CCDC3: variants seen among roughly 807,000 people sequenced by gnomAD.
CCDC3 encodes the protein coiled-coil domain containing 3.
Under a neutral mutation model 21.4 loss-of-function variants are expected in CCDC3, and 24 were observed. The observed-to-expected ratio is 1.12, with a 90% CI of 0.81 to 1.58. CCDC3 has a LOEUF of 1.58. Ranked by LOEUF, CCDC3 falls within the 40% of genes most tolerant of loss-of-function variation. The pLI, the probability that CCDC3 is intolerant of heterozygous loss-of-function variation, is 0.00. For synonymous variants in CCDC3, 186 were observed against 166.0 expected (o/e 1.12, Z -0.93); for missense variants, 425 against 360.9 (o/e 1.18, Z -1.44).
intron 2 of CCDC3, among the ~76,000 whole-genome samples, chr10:12,979,371 A>G (rs1276951755): frequency 6.6e-6 from 1 of 150,892 alleles, no homozygotes; most frequent in East Asian, 2.0e-4. Flanking sequence ...CCTTTCAAAT[A>G]CAGAAGCTCC....
At chr10:13,001,135 A>C in intron 1 of CCDC3, 62 bp downstream of exon 1, 1 of 1,511,980 alleles carries the variant, frequency 6.6e-7, no homozygotes, top group Non-Finnish European at 8.9e-7. Context: ...GCTCTAGGTA[A>C]CGGCGACCTC....
intron 5 of CCDC3, among the ~76,000 whole-genome samples, chr10:13,031,698 G>C (rs1836305531): frequency 6.6e-6 from 1 of 152,238 alleles, no homozygotes; most frequent in African/African-American, 2.4e-5. Flanking sequence ...TACCATCAGA[G>C]AATACTATAA....
At chr10:12,940,343 T>C (rs1308371649) in intron 2 of CCDC3, among the ~76,000 whole-genome samples, 1 of 151,004 alleles carries the variant, frequency 6.6e-6, no homozygotes, top group Non-Finnish European at 1.5e-5. Context: ...ATTTCAAGTA[T>C]ATTATTGGTG....
At chr10:12,966,821 G>A (rs1452028697) in intron 2 of CCDC3, among the ~76,000 whole-genome samples, 2 of 152,182 alleles carry the variant, frequency 1.3e-5, no homozygotes, top group Non-Finnish European at 2.9e-5. Flanking sequence ...CTAAAATGAA[G>A]AGGTTTAACC....
chr10:12,898,922 A>C (rs1053820078), intron 2 of CCDC3, among the ~76,000 whole-genome samples: 2 of 152,198 alleles, frequency 1.3e-5, no homozygotes, highest in African/African-American at 4.8e-5. Flanking sequence ...CTTCCTTGGA[A>C]GATGTCGTTT....
intron 2 of CCDC3, 56 bp from the exon 3 acceptor site, chr10:12,898,735 G>A (rs1256845564): frequency 3.8e-6 from 6 of 1,577,908 alleles, no homozygotes; most frequent in Admixed American, 1.8e-5. Context: ...ACTGCGCTGC[G>A]GCCAGGGGAG....
At chr10:13,086,860 G>A (rs910455158) in intron 3 of CCDC3, among the ~76,000 whole-genome samples, 6 of 152,176 alleles carry the variant, frequency 3.9e-5, no homozygotes, top group African/African-American at 1.4e-4. Context: ...ACCCAGAGGT[G>A]AGTAAAATGC....
chr10:12,946,424 C>G (rs1022213421), intron 2 of CCDC3, among the ~76,000 whole-genome samples: 2 of 152,146 alleles, frequency 1.3e-5, no homozygotes, highest in African/African-American at 4.8e-5. Context: ...AACTAACTAA[C>G]TTAGGAGTAT....
At chr10:13,058,202 A>G in intron 4 of CCDC3, 2 of 1,236,772 alleles carry the variant, frequency 1.6e-6, no homozygotes, top group Non-Finnish European at 2.4e-6. Flanking sequence ...GGTGCCAAAA[A>G]CTTGATTGCC....
At chr10:13,064,290 G>C (rs1473259492) in intron 4 of CCDC3, among the ~76,000 whole-genome samples, 4 of 152,280 alleles carry the variant, frequency 2.6e-5, no homozygotes, top group Non-Finnish European at 5.9e-5. Context: ...CTCTGAGTCA[G>C]GGGCTATTAA....
intron 5 of CCDC3, among the ~76,000 whole-genome samples, chr10:13,015,347 A>G (rs1836041720): frequency 6.6e-6 from 1 of 152,114 alleles, no homozygotes; most frequent in Non-Finnish European, 1.5e-5. Flanking sequence ...CGAAAGGGCT[A>G]GATCATTGCT....
Position 13,001,502 on chromosome 10 carries a change from C to A in CCDC3, c.69G>T (p.Gln23His). The change falls in exon 1 of 3, where the codon CAG becomes CAT. Residue 23 changes from glutamine (Q) to histidine (H), a missense_variant. Coordinates refer to ENST00000378825, the MANE Select transcript of CCDC3 (RefSeq NM_031455.4). Reference protein sequence around the residue: ...AGPPAPARACQLPSEWRPLSE... With the variant: ...AGPPAPARACHLPSEWRPLSE... The stretch of plus-strand genomic sequence containing the variant: ...TCAGGGGCCTCCACTCGGAGGGCAG[C>A]TGGCAGGCGCGCGCGGGCGCTGGGG... 7.5e-7 allele frequency: 1 copy of A among 1,333,596 alleles called. No individual in the cohort carries two copies. The allele number at this position is 1,333,596 out of a possible 1,614,324, so 82.6% of individuals were successfully genotyped here.
intron 4 of CCDC3, among the ~76,000 whole-genome samples, chr10:13,055,058 G>A (rs774497935): frequency 9.9e-5 from 15 of 152,190 alleles, no homozygotes; most frequent in Non-Finnish European, 1.9e-4. Flanking sequence ...TATGCAGGCA[G>A]CTGCAAACAA....
At chr10:13,000,798 G>A (rs192983804) in intron 1 of CCDC3, among the ~76,000 whole-genome samples, 2 of 152,228 alleles carry the variant, frequency 1.3e-5, no homozygotes, top group Admixed American at 1.3e-4. Context: ...TCAGAATCAC[G>A]GTTAGGAAGG....
At chr10:13,059,859 G>A (rs1836732490) in intron 4 of CCDC3, among the ~76,000 whole-genome samples, 1 of 152,152 alleles carries the variant, frequency 6.6e-6, no homozygotes, top group Admixed American at 6.5e-5. Context: ...GGAGGCCGAG[G>A]AGGGCGGATC....
At chr10:13,088,589 G>A (rs1255741167) in intron 3 of CCDC3, among the ~76,000 whole-genome samples, 1 of 152,160 alleles carries the variant, frequency 6.6e-6, no homozygotes, top group Non-Finnish European at 1.5e-5. Context: ...AAAAAATTGA[G>A]GCTACCGAGG....
chr10:13,015,850 G>T (rs147751671), intron 5 of CCDC3, among the ~76,000 whole-genome samples: 2 of 152,062 alleles, frequency 1.3e-5, no homozygotes, highest in Non-Finnish European at 2.9e-5. Flanking sequence ...ACAAAAACTA[G>T]TTAGAAAGAA....
chr10:12,973,416 G>A (rs377475073), intron 2 of CCDC3, among the ~76,000 whole-genome samples: 5 of 152,162 alleles, frequency 3.3e-5, no homozygotes, highest in Non-Finnish European at 5.9e-5. Context: ...AATGGAAATG[G>A]GTCAAAAGTC....
At chr10:12,937,582 C>G (rs1834760420) in intron 2 of CCDC3, among the ~76,000 whole-genome samples, 1 of 151,966 alleles carries the variant, frequency 6.6e-6, no homozygotes, top group Non-Finnish European at 1.5e-5. Flanking sequence ...CCCATCTCAG[C>G]CTCCCAAAAT....
Sources: allele counts gnomAD v4.1 joint callset (sites outside exome capture counted in the v4.1 genomes callset), GRCh38; gene constraint gnomAD v4.1.1; transcripts MANE v1.5; gene names NCBI Gene and HGNC (gene_info 2026-07-23, HGNC 2026-07-21).